FKBP8: variants seen among roughly 807,000 people sequenced by gnomAD.
FKBP8 encodes FKBP prolyl isomerase 8.
Under a neutral mutation model 41.7 loss-of-function variants are expected in FKBP8, and 5 were observed. The observed-to-expected ratio is 0.12, with a 90% CI of 0.06 to 0.25. The LOEUF is 0.25. Among genes scored for constraint, FKBP8 ranks in the 10% least tolerant of loss-of-function variants. FKBP8 has a pLI of 1.00. For synonymous variants in FKBP8, 279 were observed against 254.5 expected, an observed-to-expected ratio of 1.10 and a Z score of -0.92; for missense variants, 397 against 563.0, an observed-to-expected ratio of 0.71 and a Z score of 2.98.
In FKBP8 at chr19:18,541,992, G is replaced by A; in HGVS notation, c.-22C>T. The stretch of plus-strand genomic sequence containing the variant: ...CCATGCTGCTGGGGGGACAGGAATT[G>A]GCCCTGGAAGTGGGGGGCAGAGATG... On this transcript the variant is annotated 5_prime_UTR_variant, in exon 2 of 9. Coordinates refer to ENST00000608443, the MANE Select transcript of FKBP8 (RefSeq NM_012181.5). 6.2e-7 allele frequency: 1 copy of A among 1,607,516 alleles called. No homozygotes were observed. The highest frequency in any genetic ancestry group is 8.5e-7 in the Non-Finnish European group (1 of 1,176,114).
intron 1 of FKBP8, 24 bp from the exon 2 acceptor site, chr19:18,542,019 G>T: frequency 6.3e-7 from 1 of 1,593,542 alleles, no homozygotes; most frequent in East Asian, 2.2e-5. Context: ...GCAGAGATGT[G>T]GGTCAGAATC....
rs371137900 is a variant in FKBP8 at position 18,538,522 on chromosome 19, CT to C, written c.552-87del. 412 of 1,134,620 alleles carry C rather than the reference CT, an allele frequency of 3.6e-4. 1 individual carries two copies. The African/African-American group carries it at 5.6e-3, about 15-fold the overall frequency. 70.3% of individuals were successfully genotyped at this position (1,134,620 alleles called of 1,614,324 possible). A position where few individuals can be genotyped will look rare whatever the true frequency, so the allele number is the denominator to read the frequency against. ...GCTGGCTAGGAAGGAGTGAGCTTGG[CT>C]CAAGCCCCCGATCTGTCTCCCCTCT... On this transcript the variant is annotated intron_variant, in intron 4 of 8. Transcript: ENST00000608443. This position sits in a 1 kb window ranked among gnomAD's most constrained non-coding sequence, Gnocchi z 4.0.
Position 18,532,210 on chromosome 19 carries a change from C to G in FKBP8, c.1201G>C (p.Gly401Arg). Residue 401 changes from glycine (G) to arginine (R), a missense_variant, in exon 9 of 9, where the codon GGG (glycine) becomes CGG (arginine). Gly to Arg is a moderately radical substitution (Grantham distance 125, BLOSUM62 -2). Coordinates refer to ENST00000608443, the MANE Select transcript of FKBP8 (RefSeq NM_012181.5). Reference sequence around the variant, plus strand: ...ATGACCACAGAGAGTGCCACACCCCCCAAGGCAACAGCAGTCGCCCCAAAC... The same window carrying G: ...ATGACCACAGAGAGTGCCACACCCCGCAAGGCAACAGCAGTCGCCCCAAAC... The part of the protein sequence containing the change: ...WLFGATAVAL[G>R]GVALSVVIAA... The G allele has an allele frequency of 6.2e-7, 1 of 1,610,096 alleles. No individual in the cohort carries two copies. The highest frequency in any genetic ancestry group is 8.5e-7 in the Non-Finnish European group (1 of 1,178,638).
chr19:18,534,783 TTAC>T (rs199784595), intron 6 of FKBP8, among the ~76,000 whole-genome samples: 2 of 149,348 alleles, frequency 1.3e-5, no homozygotes, highest in African/African-American at 5.1e-5. Flanking sequence ...AAAATTATTA[TTAC>T]TATTGTTATT....
Position 18,541,666 on chromosome 19 carries a change from C to G in FKBP8, c.292+13G>C. 6.3e-7 allele frequency: 1 copy of G among 1,594,260 alleles called. No individual in the cohort carries two copies. Among genetic ancestry groups the G allele is most frequent in the Non-Finnish European group, 8.6e-7 (1 of 1,168,450 alleles). On this transcript the variant is annotated intron_variant, in intron 2 of 8. Transcript: ENST00000608443. ...CAGGGCCAAGGGCACCCTGATCCAC[C>G]TTTGCTCCTTACCCAGAATGTCCAG...
At chr19:18,533,486 A>AAAAAT in intron 6 of FKBP8, 139 bp from the exon 7 acceptor site, 1 of 506,146 alleles carries the variant, frequency 2.0e-6, no homozygotes, top group Non-Finnish European at 3.3e-6. Flanking sequence ...CTCCATCTCA[A>AAAAAT]AAAATAAAAT....
At chr19:18,536,024 C>T (rs574083919) in intron 6 of FKBP8, 1 of 152,130 alleles carries the variant, frequency 6.6e-6, no homozygotes, top group East Asian at 1.9e-4. Context: ...AGCAGCCACT[C>T]CTGCTGCCCC....
chr19:18,535,723 C>CA (rs1287946475), intron 6 of FKBP8, among the ~76,000 whole-genome samples: 258 of 55,042 alleles, frequency 4.7e-3, no homozygotes, highest in South Asian at 0.025. Flanking sequence ...GACTCTGTCT[C>CA]AAAAAAAAAA....
Position 18,543,546 on chromosome 19 carries a change from C to CGCCGCGCCT in FKBP8, c.-95_-87dup, listed in dbSNP as rs1976759201. ...CCCCCTCCCCGCCCCCAGCCGCGGCCGCCGCGCCTCGGGAACCAGGTTCGG... is the reference window on the plus strand; with the variant it reads ...CCCCCTCCCCGCCCCCAGCCGCGGCCGCCGCGCCTGCCGCGCCTCGGGAACCAGGTTCGG... On this transcript the variant is annotated 5_prime_UTR_variant, in exon 1 of 9. Coordinates refer to ENST00000608443, the MANE Select transcript of FKBP8 (RefSeq NM_012181.5). The CGCCGCGCCT allele has an allele frequency of 6.6e-6, 1 of 151,192 alleles. No homozygotes were observed. The highest frequency in any genetic ancestry group is 2.4e-5 in the African/African-American group (1 of 41,078). The allele number at this position is 151,192 out of a possible 1,614,324, so 9.4% of individuals were successfully genotyped here. A position where few individuals can be genotyped will look rare whatever the true frequency, so the allele number is the denominator to read the frequency against.
rs968129782 is a variant in FKBP8, at chr19:18,538,877, C to T, written c.552-441G>A. 7.4e-6 allele frequency among the ~76,000 whole-genome samples: 1 copy of T among 134,850 alleles called. No homozygotes were observed. Among genetic ancestry groups the T allele is most frequent in the African/African-American group, 3.0e-5 (1 of 33,796 alleles). 88.5% of individuals were successfully genotyped at this position (134,850 alleles called of 152,430 possible). On this transcript the variant is annotated intron_variant, in intron 4 of 8. Transcript: ENST00000608443. The surrounding 1 kb of genome is among the most constrained non-coding windows in gnomAD (Gnocchi z 4.0). The stretch of plus-strand genomic sequence containing the variant: ...TTGCCCAGGCTGGAGTGCAGTGGTG[C>T]AATCTCGGTTCACTGCAAGCTCCGC...
intron 6 of FKBP8, 25 bp from the exon 7 acceptor site, chr19:18,533,372 A>C: frequency 6.4e-7 from 1 of 1,569,488 alleles, no homozygotes; most frequent in Admixed American, 1.8e-5. Context: ...GGGTGGCATC[A>C]CTCTGGACCC....
chr19:18,540,497 G>C (rs1218058933), intron 2 of FKBP8, among the ~76,000 whole-genome samples: 1 of 152,116 alleles, frequency 6.6e-6, no homozygotes, highest in Non-Finnish European at 1.5e-5. Flanking sequence ...ACTTTGGAAG[G>C]CTGAGGCAGG....
chr19:18,540,979 T>C (rs951368361), intron 2 of FKBP8, among the ~76,000 whole-genome samples: 3 of 152,188 alleles, frequency 2.0e-5, no homozygotes, highest in Admixed American at 1.3e-4. Context: ...GCTACAGTAT[T>C]GTTATTACAA....
intron 2 of FKBP8, among the ~76,000 whole-genome samples, 187 bp downstream of exon 2, chr19:18,541,492 C>A (rs887441723): frequency 3.3e-5 from 5 of 152,212 alleles, no homozygotes; most frequent in Non-Finnish European, 7.3e-5. Context: ...GGACACAGCA[C>A]ATTGTGCATG....
rs188185089 is a variant in FKBP8, at chr19:18,539,381, G to A, written c.541C>T (p.Pro181Ser). 25 of 1,612,812 alleles carry A rather than the reference G, an allele frequency of 1.6e-5. No individual in the cohort carries two copies. The African/African-American group carries it at 2.9e-4, about 19-fold the overall frequency. Reference sequence around the variant, plus strand: ...GTGGCTGACTCTCACCTGCCTTGGGGGCCGTAGCAGTACTTGGAGTCAGCA... The same window carrying A: ...GTGGCTGACTCTCACCTGCCTTGGGAGCCGTAGCAGTACTTGGAGTCAGCA... ...VTADSKYCYG[P>S]QGSRSPYIPP... The change falls in exon 4 of 9, where the codon CCC becomes TCC. Residue 181 changes from proline to serine, a missense_variant. Pro to Ser is a moderately conservative substitution (Grantham distance 74). Coordinates refer to ENST00000608443, the MANE Select transcript of FKBP8 (RefSeq NM_012181.5).
Position 18,541,829 on chromosome 19 carries a change from C to T in FKBP8, c.142G>A (p.Asp48Asn). 1 of 1,613,622 alleles carries T rather than the reference C, an allele frequency of 6.2e-7. No homozygotes were observed. The highest frequency in any genetic ancestry group is 8.5e-7 in the Non-Finnish European group (1 of 1,179,766). The change falls in exon 2 of 9, where the codon GAC becomes AAC. Residue 48 changes from aspartate (D) to asparagine (N), a missense_variant. By Grantham distance (23) the Asp-to-Asn change is conservative. Around this residue, in one of 2 missense-constraint regions of FKBP8, gnomAD observed 172 missense variants for 196.2 expected, o/e 0.88. Coordinates refer to ENST00000608443, the MANE Select transcript of FKBP8 (RefSeq NM_012181.5). ...EEEEEEEEED[D>N]LSELPPLEDM... is the part of the protein sequence containing the mutation. Reference sequence around the variant, plus strand: ...TCCAGCGGTGGCAGCTCACTCAGGTCATCCTCTTCCTCCTCTTCCTCCTCC... The same window carrying T: ...TCCAGCGGTGGCAGCTCACTCAGGTTATCCTCTTCCTCCTCTTCCTCCTCC...
Position 18,535,008 on chromosome 19 carries a change from C to A in FKBP8, c.946-1661G>T, listed in dbSNP as rs1269008577. Reference sequence around the variant, plus strand: ...CCATGTTGGCCAGGCTGGTCTCAAACTCCTGACCTCAAGTGATCCACCTGC... The same window carrying A: ...CCATGTTGGCCAGGCTGGTCTCAAAATCCTGACCTCAAGTGATCCACCTGC... On this transcript the variant is annotated intron_variant, in intron 6 of 8. Coordinates refer to ENST00000608443, the MANE Select transcript of FKBP8 (RefSeq NM_012181.5). 3.3e-5 allele frequency among the ~76,000 whole-genome samples: 5 copies of A among 152,236 alleles called. No individual in the cohort carries two copies. In the East Asian group the frequency reaches 9.7e-4, roughly 29 times the overall value.
chr19:18,539,695 C>T lies in FKBP8; in HGVS notation c.318G>A (p.Thr106=), dbSNP rs370114965. The change falls in exon 3 of 9, where the codon ACG becomes ACA. Residue 106 remains threonine, a synonymous_variant. Coordinates refer to ENST00000608443, the MANE Select transcript of FKBP8 (RefSeq NM_012181.5). ...ILGNGLLRKK[T]LVPGPPGSSR... ...TCGAACCTGGCGGCCCTGGGACCAG[C>T]GTCTTCTTCCTCAACAGCCCGTTCC... 8.1e-6 allele frequency: 13 copies of T among 1,609,110 alleles called. No individual in the cohort carries two copies. The African/African-American group carries it at 1.3e-4, about 17-fold the overall frequency.
chr19:18,538,526 A>G lies in FKBP8; in HGVS notation c.552-90T>C. ...GCTAGGAAGGAGTGAGCTTGGCTCA[A>G]GCCCCCGATCTGTCTCCCCTCTGCC... On this transcript the variant is annotated intron_variant, in intron 4 of 8. Transcript: ENST00000608443. The surrounding 1 kb of genome is among the most constrained non-coding windows in gnomAD (Gnocchi z 4.0). 1 of 1,100,962 alleles carries G rather than the reference A, an allele frequency of 9.1e-7. No homozygotes were observed. The highest frequency in any genetic ancestry group is 1.3e-6 in the Non-Finnish European group (1 of 772,608). The allele number at this position is 1,100,962 out of a possible 1,614,324, so 68.2% of individuals were successfully genotyped here. A position where few individuals can be genotyped will look rare whatever the true frequency, so the allele number is the denominator to read the frequency against.
Sources: gnomAD v4.1 joint callset for allele counts (sites outside exome capture counted in the v4.1 genomes callset) on GRCh38, gnomAD v4.1.1 for gene constraint, gnomAD v4.1.1 regional missense constraint, Gnocchi (gnomAD v3.1) non-coding constraint, MANE v1.5 for transcripts, NCBI Gene and HGNC (gene_info 2026-07-23, HGNC 2026-07-21) for gene names.